The following PGCKA1 variants were observed in gnomAD, a reference collection of about 807,000 sequenced individuals.
The protein encoded by PGCKA1 is PDCD10 and GCKIII kinases associated 1, also known as PDCD10 and GCKIII kinases-associated protein 1.
chr4:37,536,053 A>C, the PGCKA1 span, among the ~76,000 whole-genome samples: 5 of 152,356 alleles, frequency 3.3e-5, no homozygotes, highest in East Asian at 9.6e-4. Flanking sequence ...TTATTCCATT[A>C]ATAGGCACTG....
the PGCKA1 span, among the ~76,000 whole-genome samples, chr4:37,517,118 G>T: frequency 6.6e-6 from 1 of 151,894 alleles, no homozygotes; most frequent in African/African-American, 2.4e-5. Flanking sequence ...AGGCATGGTG[G>T]CAGGCACCTG....
the PGCKA1 span, among the ~76,000 whole-genome samples, chr4:37,502,694 C>A: frequency 6.6e-6 from 1 of 152,128 alleles, no homozygotes; most frequent in Non-Finnish European, 1.5e-5. Flanking sequence ...ACCGACACAG[C>A]AATGTAAGGG....
At chr4:37,548,803 A>C in the PGCKA1 span, among the ~76,000 whole-genome samples, 1 of 74,216 alleles carries the variant, frequency 1.3e-5, no homozygotes, top group Non-Finnish European at 2.9e-5. Flanking sequence ...AAAGTTAAAG[A>C]CTTAAACTTT....
chr4:37,581,867 TGCAGA>T, the PGCKA1 span, among the ~76,000 whole-genome samples: 2 of 152,314 alleles, frequency 1.3e-5, no homozygotes, highest in African/African-American at 4.8e-5. This position sits in a 1 kb window ranked among gnomAD's most constrained non-coding sequence, Gnocchi z 4.4. Flanking sequence ...GTATTAGGAT[TGCAGA>T]GCACTTTAGT....
At chr4:37,538,593 C>A in the PGCKA1 span, among the ~76,000 whole-genome samples, 1 of 152,160 alleles carries the variant, frequency 6.6e-6, no homozygotes, top group Non-Finnish European at 1.5e-5. Context: ...GGGTCTTTAG[C>A]TGTTTGGAAA....
At chr4:37,515,626 T>C in the PGCKA1 span, among the ~76,000 whole-genome samples, 3 of 152,370 alleles carry the variant, frequency 2.0e-5, no homozygotes, top group South Asian at 4.1e-4. Flanking sequence ...TTTTTTATGC[T>C]GATGATTACC....
the PGCKA1 span, among the ~76,000 whole-genome samples, chr4:37,548,672 A>G: frequency 1.3e-5 from 2 of 152,264 alleles, no homozygotes; most frequent in Non-Finnish European, 2.9e-5. Context: ...AATTTAGTTT[A>G]TCTGGTATAA....
the PGCKA1 span, among the ~76,000 whole-genome samples, chr4:37,553,683 G>T: frequency 6.6e-6 from 1 of 152,242 alleles, no homozygotes; most frequent in Non-Finnish European, 1.5e-5. Flanking sequence ...ATGAATACAC[G>T]TACATCTTAG....
At chr4:37,534,174 A>G in the PGCKA1 span, among the ~76,000 whole-genome samples, 2 of 152,208 alleles carry the variant, frequency 1.3e-5, no homozygotes, top group African/African-American at 4.8e-5. Context: ...GAAAGATACA[A>G]TTTAAATCCA....
chr4:37,499,918 C>CTTTTTTTT, the PGCKA1 span, among the ~76,000 whole-genome samples: 39 of 79,244 alleles, frequency 4.9e-4, 2 homozygotes, highest in South Asian at 1.0e-3. Context: ...GTCTTCCTAA[C>CTTTTTTTT]TTTTTTTTTT....
At chr4:37,538,083 ACACG>A in the PGCKA1 span, among the ~76,000 whole-genome samples, 10 of 147,198 alleles carry the variant, frequency 6.8e-5, no homozygotes, top group East Asian at 4.2e-4. Context: ...ACACACACAC[ACACG>A]CACACCCATG....
chr4:37,532,289 C>A, the PGCKA1 span, among the ~76,000 whole-genome samples: 2 of 152,178 alleles, frequency 1.3e-5, no homozygotes, highest in Non-Finnish European at 2.9e-5. Flanking sequence ...TTATCTGATT[C>A]ACCAAAGAAT....
chr4:37,461,004 AT>A, the PGCKA1 span: 1 of 256,954 alleles, frequency 3.9e-6, no homozygotes, highest in South Asian at 3.9e-5. Flanking sequence ...TCTTGAGTTA[AT>A]TTTTCTATGT....
At chr4:37,555,690 G>A in the PGCKA1 span, among the ~76,000 whole-genome samples, 6 of 152,272 alleles carry the variant, frequency 3.9e-5, no homozygotes, top group East Asian at 1.9e-4. Flanking sequence ...AAATGGTCTC[G>A]ATCCTCTGCA....
At chr4:37,582,481 C>A in the PGCKA1 span, among the ~76,000 whole-genome samples, 1 of 152,208 alleles carries the variant, frequency 6.6e-6, no homozygotes, top group African/African-American at 2.4e-5. Context: ...TCAATAACGA[C>A]CTTTTAGCAA....
At chr4:37,499,631 G>A in the PGCKA1 span, among the ~76,000 whole-genome samples, 2 of 152,010 alleles carry the variant, frequency 1.3e-5, no homozygotes, top group Non-Finnish European at 2.9e-5. Flanking sequence ...TTATTTCTGT[G>A]TGGTCAGTGG....
chr4:37,535,720 G>C, the PGCKA1 span, among the ~76,000 whole-genome samples: 11 of 152,166 alleles, frequency 7.2e-5, no homozygotes, highest in Non-Finnish European at 1.5e-4. Flanking sequence ...AGTTTGGAAA[G>C]GGGCATTACC....
At chr4:37,496,022 G>A in the PGCKA1 span, among the ~76,000 whole-genome samples, 1 of 152,084 alleles carries the variant, frequency 6.6e-6, no homozygotes, top group African/African-American at 2.4e-5. Context: ...TTTTTACCTG[G>A]TGTTCTATAG....
the PGCKA1 span, among the ~76,000 whole-genome samples, chr4:37,464,961 G>A: frequency 3.2e-3 from 484 of 152,318 alleles, 7 homozygotes; most frequent in African/African-American, 0.011. Flanking sequence ...AATGATCACA[G>A]TATAAGTAGG....
Sources: gnomAD v4.1 joint callset for allele counts (sites outside exome capture counted in the v4.1 genomes callset) on GRCh38, gnomAD v4.1.1 for gene constraint, Gnocchi (gnomAD v3.1) non-coding constraint, MANE v1.5 for transcripts, NCBI Gene and HGNC (gene_info 2026-07-23, HGNC 2026-07-21) for gene names.